SUGCT: variants seen among roughly 807,000 people sequenced by gnomAD.
The protein encoded by SUGCT is succinyl-CoA:glutarate CoA-transferase.
A neutral mutation model predicts 55.0 loss-of-function variants in SUGCT; 41 were observed. That is an observed-to-expected ratio of 0.74 (90% CI 0.58 to 0.97). SUGCT has a LOEUF of 0.97. Among genes scored for constraint, SUGCT ranks in the 50% least tolerant of loss-of-function variants. The pLI is 0.00. For missense variants in SUGCT, 568 were observed against 547.8 expected, an observed-to-expected ratio of 1.04 and a Z score of -0.37; for synonymous variants, 187 against 200.4, an observed-to-expected ratio of 0.93 and a Z score of 0.56.
chr7:40,213,911 C>T (rs1468155430), intron 6 of SUGCT, among the ~76,000 whole-genome samples: 1 of 152,112 alleles, frequency 6.6e-6, no homozygotes, highest in East Asian at 1.9e-4. Context: ...TCCTCCTTTT[C>T]TCCTTCCTCC....
intron 12 of SUGCT, among the ~76,000 whole-genome samples, chr7:40,570,827 C>A (rs1223882064): frequency 6.8e-6 from 1 of 146,494 alleles, no homozygotes; most frequent in Admixed American, 6.7e-5. Context: ...GGTACACTCC[C>A]CTCTGGGCAA....
At chr7:40,903,984 G>A in the SUGCT span, among the ~76,000 whole-genome samples, 3 of 152,240 alleles carry the variant, frequency 2.0e-5, no homozygotes, top group South Asian at 2.1e-4. Flanking sequence ...CTGGATGGCC[G>A]CTGCCCAAGC....
intron 12 of SUGCT, among the ~76,000 whole-genome samples, chr7:40,687,191 G>C (rs1210768223): frequency 6.6e-6 from 1 of 152,004 alleles, no homozygotes; most frequent in Non-Finnish European, 1.5e-5. Context: ...ATTCTCTACT[G>C]TCATTTTGGT....
chr7:40,706,048 C>T (rs1785382821), intron 12 of SUGCT, among the ~76,000 whole-genome samples: 1 of 152,106 alleles, frequency 6.6e-6, no homozygotes. Context: ...AAATATATGG[C>T]CTAGGAAGGG....
the SUGCT span, among the ~76,000 whole-genome samples, chr7:40,916,070 TACACACACAC>T: frequency 0.053 from 7,667 of 144,812 alleles, 290 homozygotes; most frequent in South Asian, 0.18. Flanking sequence ...TCTCTCTACA[TACACACACAC>T]ACACACACAC....
At chr7:40,804,027 G>A (rs991867483) in intron 13 of SUGCT, among the ~76,000 whole-genome samples, 7 of 152,140 alleles carry the variant, frequency 4.6e-5, no homozygotes, top group African/African-American at 1.7e-4. Flanking sequence ...GTAGTATGTT[G>A]ACTAAATGGA....
At chr7:40,917,909 C>T in the SUGCT span, among the ~76,000 whole-genome samples, 9 of 152,238 alleles carry the variant, frequency 5.9e-5, no homozygotes, top group African/African-American at 2.2e-4. Context: ...TCTCTTAATA[C>T]CATCACATTG....
chr7:40,250,841 T>TC (rs1224359943), intron 7 of SUGCT, among the ~76,000 whole-genome samples: 3 of 116,144 alleles, frequency 2.6e-5, no homozygotes, highest in Non-Finnish European at 6.4e-5. Context: ...TTTTTTTTTT[T>TC]TTTTTTTTTT....
At chr7:41,025,535 ATAG>A in the SUGCT span, among the ~76,000 whole-genome samples, 1 of 151,880 alleles carries the variant, frequency 6.6e-6, no homozygotes, top group African/African-American at 2.4e-5. Context: ...ACTACTAAAA[ATAG>A]TAGAGATAGG....
chr7:40,780,217 A>G (rs1165770218), intron 13 of SUGCT, among the ~76,000 whole-genome samples: 1 of 152,152 alleles, frequency 6.6e-6, no homozygotes, highest in Non-Finnish European at 1.5e-5. Flanking sequence ...TTTGTGTCCT[A>G]AAAGAAATGT....
chr7:40,965,368 T>C, the SUGCT span: 2 of 152,268 alleles, frequency 1.3e-5, no homozygotes, highest in South Asian at 4.1e-4. Flanking sequence ...ATTTGCATCC[T>C]TGTATCACCT....
the SUGCT span, among the ~76,000 whole-genome samples, chr7:40,993,108 G>A: frequency 6.6e-6 from 1 of 152,132 alleles, no homozygotes; most frequent in Non-Finnish European, 1.5e-5. Flanking sequence ...TGAGGTCTGA[G>A]TTTCTGTTTC....
chr7:40,598,596 C>T (rs149398317), intron 12 of SUGCT, among the ~76,000 whole-genome samples: 2 of 152,234 alleles, frequency 1.3e-5, no homozygotes, highest in Non-Finnish European at 2.9e-5. Context: ...ACATGAAATC[C>T]AGAGTGAGAA....
At chr7:40,788,602 G>C (rs1490618995) in intron 13 of SUGCT, among the ~76,000 whole-genome samples, 4 of 152,214 alleles carry the variant, frequency 2.6e-5, no homozygotes, top group Non-Finnish European at 5.9e-5. Flanking sequence ...AGCCTATAAA[G>C]TTACTGTTCT....
intron 12 of SUGCT, among the ~76,000 whole-genome samples, chr7:40,578,386 C>A (rs1462805433): frequency 1.3e-5 from 2 of 152,182 alleles, no homozygotes; most frequent in Non-Finnish European, 2.9e-5. Context: ...TTGGCCCCAC[C>A]TCCACCCCTT....
At position 40,226,609 on chromosome 7, in the gene SUGCT, A is replaced by G. The variant is rs1419517647; in HGVS notation, c.485-11026A>G. Among the ~76,000 whole-genome samples, 3 of 149,706 alleles carry G rather than the reference A, an allele frequency of 2.0e-5. No homozygotes were observed. In the East Asian group the frequency reaches 5.9e-4, roughly 29 times the overall value. On this transcript the variant is annotated intron_variant, in intron 6 of 13. Transcript: ENST00000335693. The stretch of plus-strand genomic sequence containing the variant: ...ACTCTTTTTTTTTTTTTTCAGGTGT[A>G]GGGTATCCAAAGTGGAAAACTGAAA...
At chr7:40,486,320 T>C (rs2151497515) in intron 11 of SUGCT, among the ~76,000 whole-genome samples, 1 of 152,334 alleles carries the variant, frequency 6.6e-6, no homozygotes, top group East Asian at 1.9e-4. Flanking sequence ...AGTTGTAATG[T>C]CTTTTTAAAT....
At chr7:40,650,978 T>G (rs1196270349) in intron 12 of SUGCT, among the ~76,000 whole-genome samples, 1 of 152,188 alleles carries the variant, frequency 6.6e-6, no homozygotes, top group African/African-American at 2.4e-5. Flanking sequence ...TTGTTTGGTT[T>G]TCTCATCCTG....
chr7:40,332,998 T>C (rs1190400685), intron 9 of SUGCT, among the ~76,000 whole-genome samples: 3 of 152,308 alleles, frequency 2.0e-5, no homozygotes, highest in African/African-American at 7.2e-5. Context: ...TAGAAACGTA[T>C]AGTCCCCAAG....
Sources: gnomAD v4.1 joint callset for allele counts (sites outside exome capture counted in the v4.1 genomes callset) on GRCh38, gnomAD v4.1.1 for gene constraint, MANE v1.5 for transcripts, NCBI Gene and HGNC (gene_info 2026-07-23, HGNC 2026-07-21) for gene names.